Variants in SLC27A1 observed in about 807,000 individuals in gnomAD.
The protein encoded by SLC27A1 is long-chain fatty acid transport protein 1.
A neutral mutation model predicts 62.2 loss-of-function variants in SLC27A1; 61 were observed. The observed-to-expected ratio is 0.98, with a 90% CI of 0.80 to 1.21. The LOEUF is 1.21. Ranked by LOEUF, SLC27A1 falls within the 50% of genes most tolerant of loss-of-function variation. SLC27A1 has a pLI of 0.00. For missense variants in SLC27A1, 903 were observed against 932.1 expected (o/e 0.97, Z 0.41); for synonymous variants, 435 against 408.6 (o/e 1.06, Z -0.78).
intron 6 of SLC27A1, among the ~76,000 whole-genome samples, chr19:17,490,467 T>A (rs77134940): frequency 0.12 from 18,119 of 151,700 alleles, 1,208 homozygotes; most frequent in Non-Finnish European, 0.16. Context: ...AATTATCTTT[T>A]AAAAAAAATT....
chr19:17,491,796 C>T (rs928592746), intron 6 of SLC27A1, among the ~76,000 whole-genome samples: 8 of 151,930 alleles, frequency 5.3e-5, no homozygotes, highest in Admixed American at 5.3e-4. Flanking sequence ...ATTGCTTGAG[C>T]CCAGGAGGTC....
At position 17,486,647 on chromosome 19, in the gene SLC27A1, G is replaced by C. The variant is rs1599652002; in HGVS notation, c.252G>C (p.Ala84=). 6.2e-7 allele frequency: 1 copy of C among 1,605,968 alleles called. No individual in the cohort carries two copies. The highest frequency in any genetic ancestry group is 1.7e-5 in the Admixed American group (1 of 59,856). The change falls in exon 2 of 12, where the codon GCG becomes GCC. Residue 84 remains alanine, a synonymous_variant. Transcript: ENST00000252595. The surrounding 1 kb of genome is among the most constrained non-coding windows in gnomAD (Gnocchi z 6.6). ...AGHTIPRIFQ[A]VVQRQPERLA... ...ACACCATCCCGCGCATCTTTCAGGCGGTAGTGCAGCGACAGCCCGAGCGCC... is the reference window on the plus strand; with the variant it reads ...ACACCATCCCGCGCATCTTTCAGGCCGTAGTGCAGCGACAGCCCGAGCGCC...
chr19:17,501,178 A>G (rs566109657), intron 10 of SLC27A1, 95 bp from the exon 11 acceptor site: 93 of 1,503,580 alleles, frequency 6.2e-5, no homozygotes, highest in East Asian at 3.2e-4. Context: ...GAGACTGGAG[A>G]TTACAGACCA....
chr19:17,469,837 T>G (rs2075056159), upstream of SLC27A1, among the ~76,000 whole-genome samples: 1 of 74,566 alleles, frequency 1.3e-5, no homozygotes, highest in African/African-American at 5.3e-5. Flanking sequence ...GGCCCGGAAC[T>G]GGGGTGGGGC....
At position 17,505,034 on chromosome 19, in the gene SLC27A1, C is replaced by T; in HGVS notation, c.*422C>T. The T allele has an allele frequency of 2.8e-6, 1 of 361,186 alleles. No homozygotes were observed. Among genetic ancestry groups the T allele is most frequent in the Non-Finnish European group, 5.4e-6 (1 of 184,998 alleles). The allele number at this position is 361,186 out of a possible 1,614,324, so 22.4% of individuals were successfully genotyped here. On this transcript the variant is annotated 3_prime_UTR_variant, in exon 12 of 12. Transcript: ENST00000252595. ...TCAGCCTCCTGAGTAGCTGGGATTA[C>T]AGGCACCCGCCACCACGTCCAGCTA...
At position 17,505,589 on chromosome 19, in the gene SLC27A1, C is replaced by T. The variant is rs1361260603; in HGVS notation, c.*977C>T. On this transcript the variant is annotated 3_prime_UTR_variant, in exon 12 of 12. Coordinates refer to ENST00000252595, the MANE Select transcript of SLC27A1 (RefSeq NM_198580.3). ...TGAAAGCTTCCGGAATTGACTGTGA[C>T]CACTTGGATGTCACCACTGTCAGCC... 6.5e-6 allele frequency: 1 copy of T among 153,376 alleles called. No homozygotes were observed. 9.5% of individuals were successfully genotyped at this position (153,376 alleles called of 1,614,324 possible).
At position 17,482,347 on chromosome 19, in the gene SLC27A1, C is replaced by T. The variant is rs1056191330; in HGVS notation, c.168-4216C>T. On this transcript the variant is annotated intron_variant, in intron 1 of 11. Transcript: ENST00000252595. Reference sequence around the variant, plus strand: ...CAGCCTGGCCAACATGACGAAACTCCGTCTCTACTAAAAATACAAAAATGG... The same window carrying T: ...CAGCCTGGCCAACATGACGAAACTCTGTCTCTACTAAAAATACAAAAATGG... 4.6e-5 allele frequency among the ~76,000 whole-genome samples: 7 copies of T among 152,052 alleles called. No individual in the cohort carries two copies. In the East Asian group the frequency reaches 9.7e-4, roughly 21 times the overall value.
At chr19:17,470,470 T>A, upstream of SLC27A1, 3 of 1,364,274 alleles carry the variant, frequency 2.2e-6, no homozygotes, top group Non-Finnish European at 2.8e-6. Flanking sequence ...GCGGGGGCGG[T>A]CGTGGGGCGG....
intron 1 of SLC27A1, among the ~76,000 whole-genome samples, chr19:17,480,350 C>T (rs1051648645): frequency 6.6e-6 from 1 of 151,426 alleles, no homozygotes; most frequent in Non-Finnish European, 1.5e-5. Context: ...ATTTTTGAGA[C>T]ATATATTTCT....
At chr19:17,502,166 A>G (rs1033985082) in intron 11 of SLC27A1, among the ~76,000 whole-genome samples, 26 of 151,900 alleles carry the variant, frequency 1.7e-4, no homozygotes, top group African/African-American at 6.3e-4. Context: ...CAAACAAACC[A>G]TATCCAAACC....
chr19:17,481,875 C>T lies in SLC27A1; in HGVS notation c.168-4688C>T, dbSNP rs940270032. ...TCTCCAGTTGGAGATGTTAATTTATCAGCAGCCCATGAGCCACCCAGAGAG... is the reference window on the plus strand; with the variant it reads ...TCTCCAGTTGGAGATGTTAATTTATTAGCAGCCCATGAGCCACCCAGAGAG... On this transcript the variant is annotated intron_variant, in intron 1 of 11. Coordinates refer to ENST00000252595, the MANE Select transcript of SLC27A1 (RefSeq NM_198580.3). Among the ~76,000 whole-genome samples the T allele has an allele frequency of 3.9e-5, 6 of 152,166 alleles. No homozygotes were observed. The East Asian group carries it at 9.6e-4, about 24-fold the overall frequency.
intron 1 of SLC27A1, among the ~76,000 whole-genome samples, chr19:17,474,398 G>A (rs1255875807): frequency 6.6e-6 from 1 of 152,164 alleles, no homozygotes; most frequent in African/African-American, 2.4e-5. Flanking sequence ...TTAGGTGGAA[G>A]GCCATCCCTT....
In SLC27A1 at chr19:17,486,571, C is replaced by T. The variant is rs906822899; in HGVS notation, c.176C>T (p.Ser59Phe). Residue 59 changes from serine (S) to phenylalanine (F), a missense_variant, in exon 2 of 12, where the codon TCT (serine) becomes TTT (phenylalanine). By Grantham distance (155) the Ser-to-Phe change is radical. Transcript: ENST00000252595. This position sits in a 1 kb window ranked among gnomAD's most constrained non-coding sequence, Gnocchi z 6.6. ...KTARRDLFGL[S>F]VLIRVRLELR... Reference sequence around the variant, plus strand: ...TCCGTCCTCCCTCCCAGCGGTCTCTCTGTGCTGATCCGCGTGCGCCTGGAG... The same window carrying T: ...TCCGTCCTCCCTCCCAGCGGTCTCTTTGTGCTGATCCGCGTGCGCCTGGAG... The T allele has an allele frequency of 6.3e-7, 1 of 1,586,288 alleles. No individual in the cohort carries two copies. The highest frequency in any genetic ancestry group is 8.5e-7 in the Non-Finnish European group (1 of 1,174,300).
At chr19:17,479,868 T>G (rs2075159047) in intron 1 of SLC27A1, among the ~76,000 whole-genome samples, 2 of 152,128 alleles carry the variant, frequency 1.3e-5, no homozygotes, top group South Asian at 4.1e-4. Flanking sequence ...GGTCTCAAAC[T>G]CCTGGCCTCA....
chr19:17,473,171 G>A (rs1478650081), intron 1 of SLC27A1, among the ~76,000 whole-genome samples: 2 of 151,920 alleles, frequency 1.3e-5, no homozygotes, highest in Non-Finnish European at 2.9e-5. Context: ...GGCCTCCAGC[G>A]ATCACCCAAT....
In SLC27A1 at chr19:17,487,474, A is replaced by G; in HGVS notation, c.739A>G (p.Ile247Val). The G allele has an allele frequency of 2.5e-6, 4 of 1,599,598 alleles. No homozygotes were observed. The highest frequency in any genetic ancestry group is 3.4e-6 in the Non-Finnish European group (4 of 1,178,324). Residue 247 changes from isoleucine (I) to valine (V), a missense_variant, in exon 4 of 12, where the codon ATC (isoleucine) becomes GTC (valine). Ile to Val is a conservative substitution (Grantham distance 29). Transcript: ENST00000252595. ...SKGMDDRLFY[I>V]YTSGTTGLPK... ...ATCTCCTGCAGATCGTCTTTTCTAC[A>G]TCTACACGTCGGGGACCACCGGGCT...
chr19:17,475,298 T>C (rs1002630728), intron 1 of SLC27A1, among the ~76,000 whole-genome samples: 3 of 152,118 alleles, frequency 2.0e-5, no homozygotes, highest in African/African-American at 7.2e-5. Flanking sequence ...TCCAGCACTT[T>C]GGGAGCCCAA....
chr19:17,479,352 C>CT (rs1170720705), intron 1 of SLC27A1, among the ~76,000 whole-genome samples: 6 of 152,182 alleles, frequency 3.9e-5, no homozygotes. Flanking sequence ...GATTTGCTGT[C>CT]TTTGTCATGA....
At chr19:17,497,039 A>T (rs2075356845) in intron 6 of SLC27A1, 1 of 490,016 alleles carries the variant, frequency 2.0e-6, no homozygotes, top group Middle Eastern at 5.1e-4. Context: ...CAACAAAAAA[A>T]GCTGCATCCT....
Sources: allele counts gnomAD v4.1 joint callset (sites outside exome capture counted in the v4.1 genomes callset), GRCh38; gene constraint gnomAD v4.1.1; non-coding constraint Gnocchi (gnomAD v3.1); transcripts MANE v1.5; gene names NCBI Gene and HGNC (gene_info 2026-07-23, HGNC 2026-07-21).